Variants in GLIS3 observed in about 807,000 individuals in gnomAD.
GLIS3 encodes the protein zinc finger protein GLIS3.
In GLIS3, 53 loss-of-function variants were observed where a neutral mutation model predicts 78.6. The ratio of observed to expected loss-of-function variants is 0.67; its 90% confidence interval spans 0.54 to 0.85. The LOEUF (loss-of-function observed/expected upper bound fraction) is 0.85. Ranked by LOEUF, GLIS3 falls within the 40% of genes least tolerant of loss-of-function variation. The pLI, the probability that GLIS3 is intolerant of heterozygous loss-of-function variation, is 0.00. For missense variants in GLIS3, 1,703 were observed against 1,231.1 expected, an observed-to-expected ratio of 1.38 and a Z score of -5.74; for synonymous variants, 684 against 509.9, an observed-to-expected ratio of 1.34 and a Z score of -4.60.
intron 4 of GLIS3, among the ~76,000 whole-genome samples, chr9:4,058,583 G>C (rs1197960993): frequency 6.6e-6 from 1 of 152,044 alleles, no homozygotes; most frequent in Non-Finnish European, 1.5e-5. Context: ...CCAAAATTGG[G>C]CCATCTCTGT....
chr9:4,026,296 T>A (rs1311303183), intron 4 of GLIS3, among the ~76,000 whole-genome samples: 1 of 152,246 alleles, frequency 6.6e-6, no homozygotes, highest in Middle Eastern at 3.2e-3. Context: ...TCAAGTCATA[T>A]AAACATAGGT....
intron 8 of GLIS3, among the ~76,000 whole-genome samples, chr9:3,862,730 G>A (rs1214296601): frequency 6.6e-6 from 1 of 152,168 alleles, no homozygotes; most frequent in African/African-American, 2.4e-5. Context: ...AAGGCGGTAT[G>A]TGTTCTGGAT....
the GLIS3 span, among the ~76,000 whole-genome samples, chr9:4,449,529 C>G: frequency 6.6e-6 from 1 of 152,234 alleles, no homozygotes; most frequent in African/African-American, 2.4e-5. Context: ...AAGTGGGTCC[C>G]TGACCCCCGT....
intron 8 of GLIS3, among the ~76,000 whole-genome samples, chr9:3,875,812 G>A (rs1588134378): frequency 6.6e-6 from 1 of 152,214 alleles, no homozygotes; most frequent in African/African-American, 2.4e-5. Flanking sequence ...ATAGCAGCAA[G>A]GCAAAACCAC....
chr9:4,291,582 G>C (rs1282291898), intron 1 of GLIS3, among the ~76,000 whole-genome samples: 1 of 151,930 alleles, frequency 6.6e-6, no homozygotes, highest in Admixed American at 6.6e-5. Context: ...ATATGAACAG[G>C]ACACAGAAGA....
At chr9:4,143,327 G>T (rs972744850) in intron 2 of GLIS3, among the ~76,000 whole-genome samples, 1 of 152,088 alleles carries the variant, frequency 6.6e-6, no homozygotes. Flanking sequence ...AGCACTTTGG[G>T]AGGCTGAGGC....
intron 4 of GLIS3, among the ~76,000 whole-genome samples, chr9:4,059,908 A>C (rs960570907): frequency 6.6e-5 from 10 of 151,966 alleles, no homozygotes; most frequent in African/African-American, 2.4e-4. Flanking sequence ...AAAAATAAAA[A>C]AATCTATGAT....
intron 4 of GLIS3, among the ~76,000 whole-genome samples, chr9:3,983,564 A>T (rs1481939851): frequency 6.6e-6 from 1 of 152,182 alleles, no homozygotes; most frequent in Non-Finnish European, 1.5e-5. Context: ...GCTTTGACAA[A>T]AATGCTGAGA....
At chr9:4,466,532 A>T in the GLIS3 span, among the ~76,000 whole-genome samples, 24,644 of 152,096 alleles carry the variant, frequency 0.16, 2,288 homozygotes, top group African/African-American at 0.26. Context: ...TAGATATAAA[A>T]TTTTTTTAAA....
At chr9:4,256,590 G>A (rs1043353968) in intron 2 of GLIS3, among the ~76,000 whole-genome samples, 4 of 152,058 alleles carry the variant, frequency 2.6e-5, no homozygotes, top group Admixed American at 1.3e-4. Context: ...TAAACATCAG[G>A]CCTATTGATC....
At chr9:4,481,999 T>C in the GLIS3 span, among the ~76,000 whole-genome samples, 1 of 152,236 alleles carries the variant, frequency 6.6e-6, no homozygotes, top group Non-Finnish European at 1.5e-5. Flanking sequence ...CTGGTAAATA[T>C]TGGTTTAAAC....
chr9:4,058,755 C>T (rs552059685), intron 4 of GLIS3, among the ~76,000 whole-genome samples: 9 of 152,096 alleles, frequency 5.9e-5, no homozygotes, highest in East Asian at 3.9e-4. Flanking sequence ...CCAAGGCGGG[C>T]GGATCACGAG....
chr9:4,214,582 C>A (rs73400416), intron 2 of GLIS3, among the ~76,000 whole-genome samples: 1 of 152,108 alleles, frequency 6.6e-6, no homozygotes, highest in Admixed American at 6.5e-5. Flanking sequence ...ACATAAAATA[C>A]GAAAGACAAT....
At chr9:4,223,426 G>C (rs1821502549) in intron 2 of GLIS3, among the ~76,000 whole-genome samples, 1 of 152,170 alleles carries the variant, frequency 6.6e-6, no homozygotes, top group South Asian at 2.1e-4. Flanking sequence ...GACTCAATCG[G>C]ATTGCCTCAC....
At chr9:4,195,498 G>A (rs565005649) in intron 2 of GLIS3, among the ~76,000 whole-genome samples, 11 of 152,302 alleles carry the variant, frequency 7.2e-5, no homozygotes, top group East Asian at 3.9e-4. Context: ...CGCCAGCACC[G>A]CGCTCGAATT....
chr9:4,071,851 C>A (rs957726293), intron 4 of GLIS3: 5 of 152,144 alleles, frequency 3.3e-5, no homozygotes, highest in Admixed American at 1.3e-4. Flanking sequence ...TTTTAAAAGT[C>A]ACCCTGAGAA....
At chr9:3,976,374 T>C (rs1341734389) in intron 4 of GLIS3, among the ~76,000 whole-genome samples, 1 of 152,104 alleles carries the variant, frequency 6.6e-6, no homozygotes, top group African/African-American at 2.4e-5. Flanking sequence ...GCTCATGACA[T>C]AGGAAATCAC....
At chr9:4,287,870 T>G (rs1828134947) in intron 1 of GLIS3, among the ~76,000 whole-genome samples, 1 of 152,254 alleles carries the variant, frequency 6.6e-6, no homozygotes, top group Admixed American at 6.5e-5. Flanking sequence ...TGTGTGCCTA[T>G]CTTGAGGAAA....
chr9:4,460,897 T>C, the GLIS3 span, among the ~76,000 whole-genome samples: 1 of 152,176 alleles, frequency 6.6e-6, no homozygotes, highest in Non-Finnish European at 1.5e-5. Context: ...TGGCTGTATG[T>C]TTGGTACTTA....
Sources: gnomAD v4.1 joint callset for allele counts (sites outside exome capture counted in the v4.1 genomes callset) on GRCh38, gnomAD v4.1.1 for gene constraint, MANE v1.5 for transcripts, NCBI Gene and HGNC (gene_info 2026-07-23, HGNC 2026-07-21) for gene names.